The following SLC38A9 variants were observed in gnomAD, a reference collection of about 807,000 sequenced individuals.
SLC38A9 encodes the protein neutral amino acid transporter 9.
Under a neutral mutation model 62.3 loss-of-function variants are expected in SLC38A9, and 48 were observed. That is an observed-to-expected ratio of 0.77 (90% CI 0.61 to 0.98). The LOEUF (loss-of-function observed/expected upper bound fraction) is 0.98. Among genes scored for constraint, SLC38A9 ranks in the 50% least tolerant of loss-of-function variants. The probability of loss-of-function intolerance (pLI) is 0.00; values close to 1 mark genes in which losing one functional copy is unlikely to be tolerated. For synonymous variants in SLC38A9, 204 were observed against 227.7 expected (o/e 0.90, Z 0.94); for missense variants, 541 against 679.8 (o/e 0.80, Z 2.27).
intron 2 of SLC38A9, among the ~76,000 whole-genome samples, chr5:55,709,821 C>T (rs994001772): frequency 6.6e-6 from 1 of 151,950 alleles, no homozygotes; most frequent in Non-Finnish European, 1.5e-5. Context: ...AATCCCAGCA[C>T]TTTGGGAGGC....
intron 3 of SLC38A9, among the ~76,000 whole-genome samples, chr5:55,690,732 C>T (rs1754611583): frequency 6.8e-6 from 1 of 147,204 alleles, no homozygotes. Context: ...ATAAACTCTT[C>T]ACTTTGCCTT....
chr5:55,664,778 G>C lies in SLC38A9; in HGVS notation c.612C>G (p.Phe204Leu). ...GSFGQWSSLLFSLVSLIGAMI... is the reference protein window; with the variant it reads ...GSFGQWSSLLLSLVSLIGAMI... Reference sequence around the variant, plus strand: ...TTGCTCCAATGAGAGACACCAAGGAGAAAAGGAGACTCGACCACTGCCCAA... The same window carrying C: ...TTGCTCCAATGAGAGACACCAAGGACAAAAGGAGACTCGACCACTGCCCAA... The change falls in exon 8 of 16, where the codon TTC (phenylalanine) becomes TTG (leucine). Residue 204 changes from phenylalanine (F) to leucine (L), a missense_variant. Coordinates refer to ENST00000396865, the MANE Select transcript of SLC38A9 (RefSeq NM_173514.4). The C allele has an allele frequency of 6.3e-7, 1 of 1,599,996 alleles. No individual in the cohort carries two copies. Among genetic ancestry groups the C allele is most frequent in the Non-Finnish European group, 8.5e-7 (1 of 1,174,436 alleles).
At chr5:55,642,106 C>T (rs917752052) in intron 12 of SLC38A9, among the ~76,000 whole-genome samples, 2 of 152,134 alleles carry the variant, frequency 1.3e-5, no homozygotes, top group Non-Finnish European at 2.9e-5. Flanking sequence ...AGTGCAGTGG[C>T]GCGATCTCGG....
At chr5:55,702,988 C>T (rs1235419606) in intron 2 of SLC38A9, 2 of 151,932 alleles carry the variant, frequency 1.3e-5, no homozygotes, top group East Asian at 3.9e-4. Flanking sequence ...CCACCATTTC[C>T]AAACAAGAAG....
chr5:55,637,309 G>A (rs752208393), intron 12 of SLC38A9, among the ~76,000 whole-genome samples: 1 of 152,192 alleles, frequency 6.6e-6, no homozygotes, highest in African/African-American at 2.4e-5. Flanking sequence ...AAGATGCAAA[G>A]GCTATGGTGC....
intron 2 of SLC38A9, among the ~76,000 whole-genome samples, chr5:55,707,175 G>A (rs983839760): frequency 6.6e-6 from 1 of 152,062 alleles, no homozygotes; most frequent in Non-Finnish European, 1.5e-5. Context: ...ATAGGCATGA[G>A]CCACCATGCC....
chr5:55,701,621 G>A (rs1416864321), intron 2 of SLC38A9, among the ~76,000 whole-genome samples: 3 of 152,212 alleles, frequency 2.0e-5, no homozygotes, highest in Admixed American at 2.0e-4. Context: ...AAGAATTGTA[G>A]AAAAGGGTAA....
intron 1 of SLC38A9, among the ~76,000 whole-genome samples, 166 bp from the exon 2 acceptor site, chr5:55,711,665 G>A (rs1758064322): frequency 6.6e-6 from 1 of 152,150 alleles, no homozygotes; most frequent in South Asian, 2.1e-4. Flanking sequence ...CCCCCTCTGT[G>A]GTCCTAGCTC....
At chr5:55,655,082 C>T (rs1200287429) in intron 9 of SLC38A9, among the ~76,000 whole-genome samples, 5 of 152,108 alleles carry the variant, frequency 3.3e-5, no homozygotes, top group Non-Finnish European at 7.4e-5. Flanking sequence ...TCAAGCAATC[C>T]TCCTGCCTCG....
intron 4 of SLC38A9, 53 bp from the exon 5 acceptor site, chr5:55,669,932 A>G: frequency 6.5e-7 from 1 of 1,538,184 alleles, no homozygotes; most frequent in Middle Eastern, 1.7e-4. Flanking sequence ...GCAAAATAGG[A>G]TATTTGTTAC....
intron 8 of SLC38A9, among the ~76,000 whole-genome samples, chr5:55,657,768 T>C (rs1312105659): frequency 2.0e-5 from 3 of 152,204 alleles, no homozygotes; most frequent in African/African-American, 7.2e-5. Flanking sequence ...TTGAATAAGA[T>C]AGTAAAAGGT....
chr5:55,638,394 T>TA (rs1364665810), intron 12 of SLC38A9, among the ~76,000 whole-genome samples: 1 of 152,050 alleles, frequency 6.6e-6, no homozygotes, highest in Admixed American at 6.6e-5. Flanking sequence ...AAAATATATT[T>TA]AAAAAGAGAC....
chr5:55,694,290 G>A (rs182433826), intron 3 of SLC38A9: 74 of 176,500 alleles, frequency 4.2e-4, no homozygotes, highest in African/African-American at 1.6e-3. Flanking sequence ...ACTGCCATCC[G>A]TGGTCATGTC....
chr5:55,634,089 C>G (rs534446075), intron 13 of SLC38A9, 187 bp from the exon 14 acceptor site: 74 of 417,726 alleles, frequency 1.8e-4, no homozygotes, highest in African/African-American at 1.4e-3. Flanking sequence ...CGAAAGTGTT[C>G]AGAAACTTTT....
chr5:55,689,071 T>C (rs1754368826), intron 3 of SLC38A9, among the ~76,000 whole-genome samples: 1 of 152,188 alleles, frequency 6.6e-6, no homozygotes, highest in South Asian at 2.1e-4. Flanking sequence ...CAGATCTGTA[T>C]ACACTAAACA....
At chr5:55,662,280 A>T (rs1390655370) in intron 8 of SLC38A9, among the ~76,000 whole-genome samples, 2 of 152,256 alleles carry the variant, frequency 1.3e-5, no homozygotes, top group Non-Finnish European at 2.9e-5. Flanking sequence ...AAAGTTGTAT[A>T]TTCATATTAC....
chr5:55,669,803 T>C lies in SLC38A9; in HGVS notation c.323A>G (p.Gln108Arg), dbSNP rs1326228609. 1 of 1,614,034 alleles carries C rather than the reference T, an allele frequency of 6.2e-7. No homozygotes were observed. The highest frequency in any genetic ancestry group is 8.5e-7 in the Non-Finnish European group (1 of 1,179,960). ...YSPLGSAYKL[Q>R]SYTEGYGKNT... ...TTTACCGTATCCTTCAGTGTAACTTTGAAGTTTATAAGCAGAGCCCAATGG... is the reference window on the plus strand; with the variant it reads ...TTTACCGTATCCTTCAGTGTAACTTCGAAGTTTATAAGCAGAGCCCAATGG... The change falls in exon 5 of 16, where the codon CAA (glutamine) becomes CGA (arginine). Residue 108 changes from glutamine (Q) to arginine (R), a missense_variant. Gln to Arg is a conservative substitution (Grantham distance 43, BLOSUM62 1). Coordinates refer to ENST00000396865, the MANE Select transcript of SLC38A9 (RefSeq NM_173514.4).
intron 7 of SLC38A9, chr5:55,665,254 G>A (rs1490744461): frequency 1.3e-5 from 2 of 154,708 alleles, no homozygotes; most frequent in Non-Finnish European, 2.9e-5. Context: ...TCAGAAAATT[G>A]AGTCAAACAG....
rs143896541 is a variant in SLC38A9, at chr5:55,710,965, T to C, written c.-35+487A>G. ...CTCCTCAGCAGCTGCCTATCCTACA[T>C]ATGTCAGATCTTTGTCATGTCTGAA... is the stretch of plus-strand genomic sequence containing the variant. On this transcript the variant is annotated intron_variant, in intron 2 of 15. Transcript: ENST00000396865. Among the ~76,000 whole-genome samples the C allele has an allele frequency of 4.3e-3, 649 of 151,466 alleles. 3 individuals are homozygous for C. The highest frequency in any genetic ancestry group is 0.015 in the African/African-American group (610 of 41,416).
Sources: allele counts gnomAD v4.1 joint callset (sites outside exome capture counted in the v4.1 genomes callset), GRCh38; gene constraint gnomAD v4.1.1; transcripts MANE v1.5; gene names NCBI Gene and HGNC (gene_info 2026-07-23, HGNC 2026-07-21).